Variants in ZNF608 observed in about 807,000 individuals in gnomAD.
The protein encoded by ZNF608 is zinc finger protein 608.
A neutral mutation model predicts 109.0 loss-of-function variants in ZNF608; 12 were observed. The ratio of observed to expected loss-of-function variants is 0.11; its 90% CI spans 0.07 to 0.18. The LOEUF (loss-of-function observed/expected upper bound fraction) is 0.18. ZNF608 is among the 10% of genes least tolerant of loss of function. The pLI is 1.00. For synonymous variants in ZNF608, 732 were observed against 717.4 expected (o/e 1.02, Z -0.33); for missense variants, 1,707 against 1,879.3 (o/e 0.91, Z 1.70).
chr5:124,736,102 T>C (rs947171852), intron 2 of ZNF608, among the ~76,000 whole-genome samples: 22 of 152,190 alleles, frequency 1.4e-4, no homozygotes, highest in African/African-American at 5.3e-4. Context: ...AGGGATAGTT[T>C]CTATTTGTTG....
intron 2 of ZNF608, among the ~76,000 whole-genome samples, chr5:124,705,842 C>G (rs1013691115): frequency 3.3e-5 from 5 of 152,186 alleles, no homozygotes; most frequent in Admixed American, 2.6e-4. Flanking sequence ...CTCCTAATCT[C>G]TAGTTGCAGC....
rs1753827921 is a variant in ZNF608 at position 124,719,573 on chromosome 5, T to A, written c.907-18304A>T. Among the ~76,000 whole-genome samples, 3 of 152,246 alleles carry A rather than the reference T, an allele frequency of 2.0e-5. No individual in the cohort carries two copies. The South Asian group carries it at 6.2e-4, about 32-fold the overall frequency. On this transcript the variant is annotated intron_variant, in intron 2 of 9. Coordinates refer to ENST00000513986, the MANE Select transcript of ZNF608 (RefSeq NM_020747.3). Reference sequence around the variant, plus strand: ...AGAGGAAAAAGAAGCATGGGGTTCCTATTGCTTCTCAGTAGTTAAGCTATT... The same window carrying A: ...AGAGGAAAAAGAAGCATGGGGTTCCAATTGCTTCTCAGTAGTTAAGCTATT...
At chr5:124,711,761 C>G (rs1309695226) in intron 2 of ZNF608, among the ~76,000 whole-genome samples, 1 of 152,128 alleles carries the variant, frequency 6.6e-6, no homozygotes, top group African/African-American at 2.4e-5. Context: ...GTGGGAGCAC[C>G]AAGGGGGTGG....
intron 3 of ZNF608, among the ~76,000 whole-genome samples, chr5:124,663,295 C>T (rs1751350353): frequency 6.6e-6 from 1 of 152,174 alleles, no homozygotes; most frequent in Non-Finnish European, 1.5e-5. Context: ...CCAAACAGGC[C>T]TCTCAGGGGA....
intron 2 of ZNF608, among the ~76,000 whole-genome samples, chr5:124,722,069 A>C (rs531192961): frequency 6.3e-4 from 96 of 151,884 alleles, no homozygotes; most frequent in South Asian, 2.5e-3. Flanking sequence ...ATCAAGAGTA[A>C]AAGGTCTGCA....
Position 124,648,696 on chromosome 5 carries a change from T to C in ZNF608, c.1688A>G (p.Lys563Arg), listed in dbSNP as rs201838001. The part of the protein sequence containing the change: ...IDCPHPNCNK[K>R]YKHINGLRYH... ...CCTCAGGCCGTTAATGTGCTTGTAC[T>C]TTTTGTTGCAGTTTGGGTGGGGACA... Residue 563 changes from lysine to arginine, a missense_variant, in exon 5 of 10, where the codon AAG (lysine) becomes AGG (arginine). Physicochemically the swap from Lys to Arg is conservative, Grantham distance 26. This residue lies in a region of ZNF608 where 22 missense variants were observed against 52.2 expected (regional missense o/e 0.42). Coordinates refer to ENST00000513986, the MANE Select transcript of ZNF608 (RefSeq NM_020747.3). The C allele has an allele frequency of 6.2e-7, 1 of 1,614,112 alleles. No individual in the cohort carries two copies. Among genetic ancestry groups the C allele is most frequent in the African/African-American group, 1.3e-5 (1 of 74,940 alleles).
chr5:124,730,624 C>T (rs1429448895), intron 2 of ZNF608, among the ~76,000 whole-genome samples: 6 of 152,126 alleles, frequency 3.9e-5, no homozygotes, highest in African/African-American at 1.2e-4. Context: ...GAGTATTAGA[C>T]TTTGGTGTAA....
intron 2 of ZNF608, among the ~76,000 whole-genome samples, chr5:124,715,800 A>G (rs1753664075): frequency 6.6e-6 from 1 of 152,122 alleles, no homozygotes; most frequent in Non-Finnish European, 1.5e-5. Flanking sequence ...CGTAATGAAA[A>G]CCATACTCCA....
chr5:124,714,578 C>A (rs1428684534), intron 2 of ZNF608, among the ~76,000 whole-genome samples: 2 of 152,190 alleles, frequency 1.3e-5, no homozygotes, highest in African/African-American at 4.8e-5. Context: ...CCTTTCTAAG[C>A]CTCAATTTCC....
chr5:124,739,634 A>G (rs1048906357), intron 2 of ZNF608, among the ~76,000 whole-genome samples: 1 of 152,228 alleles, frequency 6.6e-6, no homozygotes, highest in African/African-American at 2.4e-5. Context: ...TTTAAATAAA[A>G]GTGGAACTGG....
In ZNF608 at chr5:124,646,180, T is replaced by C. The variant is rs1278985362; in HGVS notation, c.3705+499A>G. Among the ~76,000 whole-genome samples the C allele has an allele frequency of 2.6e-5, 4 of 151,952 alleles. No individual in the cohort carries two copies. In the East Asian group the frequency reaches 5.8e-4, roughly 22 times the overall value. On this transcript the variant is annotated intron_variant, in intron 5 of 9. Coordinates refer to ENST00000513986, the MANE Select transcript of ZNF608 (RefSeq NM_020747.3). The stretch of plus-strand genomic sequence containing the variant: ...GATCGAGACCATCTCGCTAACACGG[T>C]GAAACCCCATCTCTACTAAAAATAC...
At position 124,744,570 on chromosome 5, in the gene ZNF608, T is replaced by C. The variant is rs549488137; in HGVS notation, c.420A>G (p.Gln140=). The C allele has an allele frequency of 6.2e-7, 1 of 1,614,236 alleles. No homozygotes were observed. The highest frequency in any genetic ancestry group is 1.7e-5 in the Admixed American group (1 of 60,034). Residue 140 remains glutamine (Q), a synonymous_variant, in exon 2 of 10, where the codon CAA becomes CAG. Transcript: ENST00000513986. This position sits in a 1 kb window ranked among gnomAD's most constrained non-coding sequence, Gnocchi z 4.5. The stretch of plus-strand genomic sequence containing the variant: ...TGCCAGTTGCCTCTCCAGGGCGCCC[T>C]TGGACTTCCTGCCTCTTGCCAGTGC... ...ISSTGKRQEV[Q]GRPGEATGMN...
At chr5:124,717,876 G>T (rs1321504052) in intron 2 of ZNF608, among the ~76,000 whole-genome samples, 1 of 152,182 alleles carries the variant, frequency 6.6e-6, no homozygotes, top group Non-Finnish European at 1.5e-5. Context: ...CCAGGCAAGT[G>T]TCCCTATAGG....
intron 2 of ZNF608, among the ~76,000 whole-genome samples, chr5:124,728,864 T>C (rs1194246713): frequency 6.6e-6 from 1 of 152,158 alleles, no homozygotes; most frequent in Admixed American, 6.5e-5. Flanking sequence ...AACCTCACCT[T>C]CTGTCCTATT....
intron 3 of ZNF608, among the ~76,000 whole-genome samples, chr5:124,673,481 T>TA (rs892623450): frequency 4.6e-5 from 7 of 151,986 alleles, no homozygotes; most frequent in Admixed American, 2.6e-4. Context: ...TATTTCCTAG[T>TA]AAAAAAAATG....
chr5:124,709,530 G>A (rs533304593), intron 2 of ZNF608, among the ~76,000 whole-genome samples: 1 of 152,128 alleles, frequency 6.6e-6, no homozygotes, highest in African/African-American at 2.4e-5. Flanking sequence ...ATAGCTAAGC[G>A]ATATTGGTGG....
intron 2 of ZNF608, chr5:124,710,415 A>T (rs1473437551): frequency 2.7e-6 from 1 of 366,342 alleles, no homozygotes; most frequent in East Asian, 7.2e-5. Flanking sequence ...TTAAATGACA[A>T]GGAAGTGCCT....
At chr5:124,724,299 G>A (rs1754051789) in intron 2 of ZNF608, among the ~76,000 whole-genome samples, 1 of 151,938 alleles carries the variant, frequency 6.6e-6, no homozygotes, top group South Asian at 2.1e-4. Context: ...AACAGTCTGG[G>A]GGGCATAAGG....
chr5:124,731,354 G>T lies in ZNF608; in HGVS notation c.906+12730C>A, dbSNP rs917364554. Among the ~76,000 whole-genome samples, 6 of 152,194 alleles carry T rather than the reference G, an allele frequency of 3.9e-5. No homozygotes were observed. In the East Asian group the frequency reaches 9.8e-4, roughly 25 times the overall value. ...GCTTCCTGAGTAGCTGGGGTTATAG[G>T]TGCGAACCACCACACCTGGCTAATT... On this transcript the variant is annotated intron_variant, in intron 2 of 9. Coordinates refer to ENST00000513986, the MANE Select transcript of ZNF608 (RefSeq NM_020747.3).
Sources: gnomAD v4.1 joint callset for allele counts (sites outside exome capture counted in the v4.1 genomes callset) on GRCh38, gnomAD v4.1.1 for gene constraint, gnomAD v4.1.1 regional missense constraint, Gnocchi (gnomAD v3.1) non-coding constraint, MANE v1.5 for transcripts, NCBI Gene and HGNC (gene_info 2026-07-23, HGNC 2026-07-21) for gene names.